TMC7: variants seen among roughly 807,000 people sequenced by gnomAD.
TMC7 encodes transmembrane channel-like protein 7.
TMC7 carries 54 observed loss-of-function variants against 82.9 expected under a neutral mutation model. The ratio of observed to expected loss-of-function variants is 0.65; its 90% CI spans 0.52 to 0.82. The LOEUF (loss-of-function observed/expected upper bound fraction) is 0.82. Ranked by LOEUF, TMC7 falls within the 40% of genes least tolerant of loss-of-function variation. TMC7 has a pLI of 0.00. For synonymous variants in TMC7, 350 were observed against 337.9 expected, an observed-to-expected ratio of 1.04 and a Z score of -0.39; for missense variants, 820 against 901.2, an observed-to-expected ratio of 0.91 and a Z score of 1.15.
intron 6 of TMC7, among the ~76,000 whole-genome samples, chr16:19,032,896 G>C (rs191163612): frequency 6.6e-6 from 1 of 152,148 alleles, no homozygotes; most frequent in Non-Finnish European, 1.5e-5. Context: ...CACAGTGCTG[G>C]GATTACAGGC....
rs577779393 is a variant in TMC7, at chr16:19,061,930, G to C, written c.*87G>C. ...AGCCTACAGAGTCTACCTGGGTTTT[G>C]AGTGGACATTTAAAAATATATTTTT... is the stretch of plus-strand genomic sequence containing the variant. On this transcript the variant is annotated 3_prime_UTR_variant, in exon 16 of 16. Transcript: ENST00000304381. The C allele has an allele frequency of 9.1e-7, 1 of 1,099,684 alleles. No homozygotes were observed. Among genetic ancestry groups the C allele is most frequent in the Non-Finnish European group, 1.3e-6 (1 of 762,800 alleles). 68.1% of individuals were successfully genotyped at this position (1,099,684 alleles called of 1,614,324 possible).
At chr16:18,991,858 T>C (rs986414992) in intron 1 of TMC7, among the ~76,000 whole-genome samples, 12 of 152,170 alleles carry the variant, frequency 7.9e-5, no homozygotes, top group Non-Finnish European at 1.3e-4. Context: ...TCCTTGTTTG[T>C]TTGCTCAGAT....
intron 6 of TMC7, among the ~76,000 whole-genome samples, chr16:19,031,882 G>C (rs1960532717): frequency 6.6e-6 from 1 of 152,156 alleles, no homozygotes; most frequent in Admixed American, 6.6e-5. Flanking sequence ...CATGCGGATG[G>C]TATTTATAGG....
intron 5 of TMC7, among the ~76,000 whole-genome samples, chr16:19,025,280 AT>A (rs1960169224): frequency 6.6e-6 from 1 of 152,122 alleles, no homozygotes; most frequent in Non-Finnish European, 1.5e-5. Context: ...ACAAATAAGT[AT>A]TTTTATTTTT....
In TMC7 at chr16:19,017,950, G is replaced by A. The variant is rs540871818; in HGVS notation, c.460+1352G>A. On this transcript the variant is annotated intron_variant, in intron 3 of 15. Coordinates refer to ENST00000304381, the MANE Select transcript of TMC7 (RefSeq NM_024847.4). ...CTCCCAAAGTGCTGGGATTACAGGCGTGAGCCACCACGCCTGGCTCCAAAA... is the reference window on the plus strand; with the variant it reads ...CTCCCAAAGTGCTGGGATTACAGGCATGAGCCACCACGCCTGGCTCCAAAA... Among the ~76,000 whole-genome samples, 7 of 152,272 alleles carry A rather than the reference G, an allele frequency of 4.6e-5. No individual in the cohort carries two copies. In the East Asian group the frequency reaches 9.6e-4, roughly 21 times the overall value.
intron 2 of TMC7, among the ~76,000 whole-genome samples, chr16:19,011,356 C>G (rs944783782): frequency 6.6e-6 from 1 of 152,076 alleles, no homozygotes; most frequent in African/African-American, 2.4e-5. Flanking sequence ...TACTGCCCCC[C>G]ACAGGGTCAG....
chr16:19,014,941 A>G (rs1959601510), intron 2 of TMC7, among the ~76,000 whole-genome samples: 1 of 151,686 alleles, frequency 6.6e-6, no homozygotes, highest in Admixed American at 6.6e-5. Flanking sequence ...TTTGGCTTTT[A>G]TTTTTATTAT....
Position 19,045,237 on chromosome 16 carries a change from C to G in TMC7, c.1456-104C>G, listed in dbSNP as rs567166078. On this transcript the variant is annotated intron_variant, in intron 10 of 15. Coordinates refer to ENST00000304381, the MANE Select transcript of TMC7 (RefSeq NM_024847.4). ...CATCAGCTGATGCCCTCACTGGAGCCACAGGATCTGGAGTTGGAAAGGGAA... is the reference window on the plus strand; with the variant it reads ...CATCAGCTGATGCCCTCACTGGAGCGACAGGATCTGGAGTTGGAAAGGGAA... 3.8e-5 allele frequency: 38 copies of G among 993,888 alleles called. No individual in the cohort carries two copies. In the Admixed American group the frequency reaches 5.3e-4, roughly 14 times the overall value. 61.6% of individuals were successfully genotyped at this position (993,888 alleles called of 1,614,324 possible).
At chr16:18,984,534 A>G (rs2142099522) in intron 1 of TMC7, 4 of 1,013,608 alleles carry the variant, frequency 3.9e-6, no homozygotes, top group African/African-American at 3.4e-5. Flanking sequence ...AGTTAGACCA[A>G]CTTGAAACCG....
rs745809343 is a variant in TMC7, at chr16:19,021,685, C to T, written c.517C>T (p.Leu173=). ...CTCCTTCTTGAGATTCCTGGTGTTG[C>T]TGAATTTGGTGATATTTCTGATCAT... ...YFSFLRFLVL[L]NLVIFLIIFM... The change falls in exon 4 of 16, where the codon CTG becomes TTG. Residue 173 remains leucine, a synonymous_variant. Coordinates refer to ENST00000304381, the MANE Select transcript of TMC7 (RefSeq NM_024847.4). 6.2e-6 allele frequency: 10 copies of T among 1,613,928 alleles called. No homozygotes were observed. The highest frequency in any genetic ancestry group is 8.5e-6 in the Non-Finnish European group (10 of 1,180,028).
chr16:18,986,250 C>T (rs1471145926), intron 1 of TMC7, among the ~76,000 whole-genome samples: 1 of 151,816 alleles, frequency 6.6e-6, no homozygotes, highest in African/African-American at 2.4e-5. Context: ...AAAAAATTAG[C>T]CAGGTGTGGT....
intron 1 of TMC7, among the ~76,000 whole-genome samples, chr16:18,995,245 A>T (rs1186475542): frequency 1.3e-5 from 2 of 152,130 alleles, no homozygotes; most frequent in Non-Finnish European, 2.9e-5. Context: ...GAGGCAAGGG[A>T]AACTGGCCCT....
At chr16:19,041,089 G>A (rs1960993491) in intron 9 of TMC7, among the ~76,000 whole-genome samples, 1 of 151,628 alleles carries the variant, frequency 6.6e-6, no homozygotes, top group Non-Finnish European at 1.5e-5. Flanking sequence ...TAGAGACAGG[G>A]TTTTGTTATG....
chr16:19,016,718 G>C, intron 3 of TMC7, 120 bp downstream of exon 3: 6 of 1,140,294 alleles, frequency 5.3e-6, no homozygotes, highest in Non-Finnish European at 6.1e-6. Context: ...TGATGAATGT[G>C]AGCAACAAAC....
chr16:19,026,137 A>T (rs912976632), intron 5 of TMC7, among the ~76,000 whole-genome samples: 1 of 150,656 alleles, frequency 6.6e-6, no homozygotes, highest in African/African-American at 2.4e-5. Flanking sequence ...AACCCAGGGG[A>T]ATTGTTGGGT....
chr16:19,012,623 T>C (rs538563664), intron 2 of TMC7, among the ~76,000 whole-genome samples: 1 of 151,438 alleles, frequency 6.6e-6, no homozygotes, highest in Non-Finnish European at 1.5e-5. Flanking sequence ...ACCTCATCTC[T>C]ACTAAAAATA....
chr16:19,010,627 C>T (rs1959270525), intron 2 of TMC7, among the ~76,000 whole-genome samples: 1 of 152,198 alleles, frequency 6.6e-6, no homozygotes, highest in Admixed American at 6.5e-5. Context: ...GTATACCAGT[C>T]AGCTACGCAG....
chr16:18,985,170 A>C (rs1367142478), intron 1 of TMC7, among the ~76,000 whole-genome samples: 4 of 152,004 alleles, frequency 2.6e-5, no homozygotes, highest in Non-Finnish European at 5.9e-5. Context: ...TGAGGCAGAG[A>C]ATAGCTTGAA....
chr16:19,006,648 G>A (rs1438020468), intron 1 of TMC7, among the ~76,000 whole-genome samples: 2 of 152,186 alleles, frequency 1.3e-5, no homozygotes, highest in African/African-American at 2.4e-5. Flanking sequence ...CAAATGTGCT[G>A]GCTTAAGCCA....
Sources: gnomAD v4.1 joint callset for allele counts (sites outside exome capture counted in the v4.1 genomes callset) on GRCh38, gnomAD v4.1.1 for gene constraint, MANE v1.5 for transcripts, NCBI Gene and HGNC (gene_info 2026-07-23, HGNC 2026-07-21) for gene names.